Variants in PLEKHB1 observed in about 807,000 individuals in gnomAD.
The protein encoded by PLEKHB1 is pleckstrin homology domain containing B1.
A neutral mutation model predicts 36.2 loss-of-function variants in PLEKHB1; 29 were observed. The observed-to-expected ratio is 0.80, with a 90% CI of 0.60 to 1.09. The LOEUF (loss-of-function observed/expected upper bound fraction) is 1.09. PLEKHB1 is among the 50% of genes least tolerant of loss of function. The pLI is 0.00. For synonymous variants in PLEKHB1, 138 were observed against 140.0 expected (o/e 0.99, Z 0.10); for missense variants, 330 against 348.2 (o/e 0.95, Z 0.42).
At chr11:73,656,730 A>G (rs1288821280) in intron 6 of PLEKHB1, among the ~76,000 whole-genome samples, 4 of 152,190 alleles carry the variant, frequency 2.6e-5, no homozygotes, top group Non-Finnish European at 5.9e-5. Flanking sequence ...CATCTTACAC[A>G]GTGGTGCTCA....
At position 73,661,582 on chromosome 11, in the gene PLEKHB1, T is replaced by TGGTC; in HGVS notation, c.714_717dup (p.Pro240ValfsTer45). Reference sequence around the variant, plus strand: ...TGGGGCGGCGCTGGGCTCGCTCATGTGGTCGCCCTGCTGGTTCTGAGCCCT... The same window carrying TGGTC: ...TGGGGCGGCGCTGGGCTCGCTCATGTGGTCGGTCGCCCTGCTGGTTCTGAGCCCT... On this transcript the variant is annotated frameshift_variant, in exon 8 of 8. Coordinates refer to ENST00000354190, the MANE Select transcript of PLEKHB1 (RefSeq NM_021200.3). LOFTEE classifies it high-confidence loss of function. This position sits in a 1 kb window ranked among gnomAD's most constrained non-coding sequence, Gnocchi z 4.6. The TGGTC allele has an allele frequency of 1.3e-6, 2 of 1,597,970 alleles. No individual in the cohort carries two copies. The highest frequency in any genetic ancestry group is 8.5e-7 in the Non-Finnish European group (1 of 1,172,382).
chr11:73,651,680 G>A lies in PLEKHB1; in HGVS notation c.248-108G>A, dbSNP rs938845072. On this transcript the variant is annotated intron_variant, in intron 3 of 7. Coordinates refer to ENST00000354190, the MANE Select transcript of PLEKHB1 (RefSeq NM_021200.3). ...ATGGGATCAGAGGAGGTTGGCAGTG[G>A]CCAGTAAACAGAGCCCAGAGAAGTC... 3.6e-6 allele frequency: 3 copies of A among 826,562 alleles called. No homozygotes were observed. The African/African-American group carries it at 5.1e-5, about 14-fold the overall frequency. The allele number at this position is 826,562 out of a possible 1,614,324, so 51.2% of individuals were successfully genotyped here.
intron 1 of PLEKHB1, among the ~76,000 whole-genome samples, chr11:73,647,006 C>A (rs1292586571): frequency 6.6e-6 from 1 of 152,168 alleles, no homozygotes; most frequent in Non-Finnish European, 1.5e-5. Context: ...TGTGCTATTT[C>A]TTTCCAAACC....
At chr11:73,651,656 T>G in intron 3 of PLEKHB1, 132 bp from the exon 4 acceptor site, 1 of 703,990 alleles carries the variant, frequency 1.4e-6, no homozygotes, top group East Asian at 2.7e-5. Context: ...AGAGAGTATA[T>G]GGGATCAGAG....
chr11:73,658,570 G>A (rs1385690105), intron 6 of PLEKHB1, among the ~76,000 whole-genome samples: 4 of 152,198 alleles, frequency 2.6e-5, no homozygotes, highest in Non-Finnish European at 4.4e-5. Flanking sequence ...AAGCAGATGT[G>A]TGAAGACAAG....
intron 1 of PLEKHB1, chr11:73,648,106 C>A: frequency 4.9e-6 from 2 of 411,374 alleles, no homozygotes; most frequent in Non-Finnish European, 6.5e-6. Context: ...GTAGAATGTG[C>A]GGTGACGTCC....
intron 6 of PLEKHB1, among the ~76,000 whole-genome samples, chr11:73,658,480 A>G (rs1945037691): frequency 6.6e-6 from 1 of 152,222 alleles, no homozygotes; most frequent in South Asian, 2.1e-4. Flanking sequence ...GTGGCCTATT[A>G]TCTTGGAATT....
At chr11:73,648,739 G>T in intron 1 of PLEKHB1, 1 of 1,215,124 alleles carries the variant, frequency 8.2e-7, no homozygotes, top group Non-Finnish European at 1.0e-6. Context: ...CAGGGAGGAG[G>T]GATATGGCCA....
intron 1 of PLEKHB1, chr11:73,648,113 G>A (rs1430847251): frequency 1.1e-5 from 4 of 359,908 alleles, no homozygotes; most frequent in African/African-American, 4.5e-5. Context: ...GTGCGGTGAC[G>A]TCCAAACTTA....
At chr11:73,653,568 A>G in intron 5 of PLEKHB1, 2 of 425,146 alleles carry the variant, frequency 4.7e-6, no homozygotes, top group South Asian at 3.3e-5. Context: ...AACAGCTCTG[A>G]CAGAGATTTG....
chr11:73,659,577 G>A (rs1476620364), intron 6 of PLEKHB1, among the ~76,000 whole-genome samples: 1 of 152,120 alleles, frequency 6.6e-6, no homozygotes, highest in Non-Finnish European at 1.5e-5. Flanking sequence ...TCACATTTGG[G>A]CTGCAAGAAA....
intron 1 of PLEKHB1, chr11:73,647,927 C>G (rs1051019175): frequency 4.1e-6 from 4 of 985,406 alleles, no homozygotes; most frequent in African/African-American, 1.7e-5. Context: ...GCGGAGGCAC[C>G]CGCTGGCAAG....
At chr11:73,653,617 A>T (rs550803083) in intron 5 of PLEKHB1, among the ~76,000 whole-genome samples, 15 of 152,338 alleles carry the variant, frequency 9.8e-5, no homozygotes, top group African/African-American at 3.1e-4. Context: ...AGTTCAGGCA[A>T]GGCTTAAACC....
rs776062869 is a variant in PLEKHB1, at chr11:73,648,992, T to C, written c.19-20T>C. 1 of 1,576,752 alleles carries C rather than the reference T, an allele frequency of 6.3e-7. No individual in the cohort carries two copies. The highest frequency in any genetic ancestry group is 1.3e-5 in the African/African-American group (1 of 74,092). On this transcript the variant is annotated intron_variant, in intron 1 of 7. Coordinates refer to ENST00000354190, the MANE Select transcript of PLEKHB1 (RefSeq NM_021200.3). ...GGGAGCTGCTGCTGAGGCCTGTGTCTCCCGTGGCTCCTCTGACAGGTCCCG... is the reference window on the plus strand; with the variant it reads ...GGGAGCTGCTGCTGAGGCCTGTGTCCCCCGTGGCTCCTCTGACAGGTCCCG...
intron 5 of PLEKHB1, among the ~76,000 whole-genome samples, chr11:73,654,510 T>G (rs1944956884): frequency 6.6e-6 from 1 of 152,154 alleles, no homozygotes; most frequent in South Asian, 2.1e-4. Flanking sequence ...GGGGTTGGTA[T>G]TATTAGTCCC....
At chr11:73,650,315 A>G (rs2134799993) in intron 2 of PLEKHB1, among the ~76,000 whole-genome samples, 1 of 152,340 alleles carries the variant, frequency 6.6e-6, no homozygotes, top group Middle Eastern at 3.4e-3. Flanking sequence ...TAATGGGCCC[A>G]GTCACTCATT....
Position 73,661,452 on chromosome 11 carries a change from GTC to G in PLEKHB1, c.596-11_596-10del. On this transcript the variant is annotated splice_polypyrimidine_tract_variant and intron_variant, in intron 7 of 7. Coordinates refer to ENST00000354190, the MANE Select transcript of PLEKHB1 (RefSeq NM_021200.3). This position sits in a 1 kb window ranked among gnomAD's most constrained non-coding sequence, Gnocchi z 4.6. ...CCTAAGTCGCTGATCCTCATGGGCT[GTC>G]TCCCTCTGCAGGCCCTGGCGTGACG... is the stretch of plus-strand genomic sequence containing the variant. 1.9e-6 allele frequency: 3 copies of G among 1,613,664 alleles called. No homozygotes were observed. Among genetic ancestry groups the G allele is most frequent in the Non-Finnish European group, 2.5e-6 (3 of 1,179,636 alleles).
At chr11:73,648,929 G>A (rs1251649745) in intron 1 of PLEKHB1, 83 bp from the exon 2 acceptor site, 1 of 1,518,748 alleles carries the variant, frequency 6.6e-7, no homozygotes, top group Admixed American at 2.2e-5. Flanking sequence ...TTTCCTGGGT[G>A]GCTCCCCAGG....
At chr11:73,655,187 C>T (rs1944967437) in intron 5 of PLEKHB1, among the ~76,000 whole-genome samples, 1 of 152,236 alleles carries the variant, frequency 6.6e-6, no homozygotes, top group Non-Finnish European at 1.5e-5. Context: ...TGACCCTTCT[C>T]TCTGCCCTGG....
Sources: gnomAD v4.1 joint callset for allele counts (sites outside exome capture counted in the v4.1 genomes callset) on GRCh38, gnomAD v4.1.1 for gene constraint, Gnocchi (gnomAD v3.1) non-coding constraint, MANE v1.5 for transcripts, NCBI Gene and HGNC (gene_info 2026-07-23, HGNC 2026-07-21) for gene names.